PHF20L1: variants seen among roughly 807,000 people sequenced by gnomAD.
PHF20L1 encodes PHD finger protein 20-like protein 1.
A neutral mutation model predicts 125.5 loss-of-function variants in PHF20L1; 44 were observed. The observed-to-expected ratio is 0.35, with a 90% confidence interval of 0.28 to 0.45. The LOEUF (loss-of-function observed/expected upper bound fraction) is 0.45, where lower values mean the gene tolerates loss of function less well. Among genes scored for constraint, PHF20L1 ranks in the 20% least tolerant of loss-of-function variants. PHF20L1 has a pLI of 1.00. For missense variants in PHF20L1, 1,012 were observed against 1,217.2 expected (o/e 0.83, Z 2.51); for synonymous variants, 380 against 403.1 (o/e 0.94, Z 0.69).
At position 132,775,616 on chromosome 8, in the gene PHF20L1, C is replaced by G. The variant is rs553632603; in HGVS notation, c.-67C>G. The G allele has an allele frequency of 2.9e-6, 1 of 343,650 alleles. No homozygotes were observed. The highest frequency in any genetic ancestry group is 5.3e-6 in the Non-Finnish European group (1 of 190,456). The allele number at this position is 343,650 out of a possible 1,614,324, so 21.3% of individuals were successfully genotyped here. On this transcript the variant is annotated 5_prime_UTR_variant, in exon 1 of 21. Transcript: ENST00000395386. ...TGCCCCAGCTCGGCCCCGGACGGCC[C>G]GGCTGCTGTGCAGAGAGGAGGCCGA...
At chr8:132,827,172 C>T (rs1836277407) in intron 14 of PHF20L1, among the ~76,000 whole-genome samples, 2 of 151,882 alleles carry the variant, frequency 1.3e-5, no homozygotes, top group East Asian at 1.9e-4. Context: ...CCCCCATCAC[C>T]TCTTCATATG....
At chr8:132,830,305 G>T (rs1173392004) in intron 14 of PHF20L1, among the ~76,000 whole-genome samples, 1 of 151,870 alleles carries the variant, frequency 6.6e-6, no homozygotes, top group Non-Finnish European at 1.5e-5. Flanking sequence ...ATTACATTGG[G>T]CCCACCCATA....
chr8:132,836,509 G>T lies in PHF20L1; in HGVS notation c.1910-31G>T, dbSNP rs200225986. 9 of 1,391,432 alleles carry T rather than the reference G, an allele frequency of 6.5e-6. No individual in the cohort carries two copies. The East Asian group carries it at 1.8e-4, about 29-fold the overall frequency. 86.2% of individuals were successfully genotyped at this position (1,391,432 alleles called of 1,614,324 possible). ...AAAATAACATGAAAATAGAAAAGTT[G>T]TTCTAAGTATACTTTTTGTATATAT... On this transcript the variant is annotated intron_variant, in intron 15 of 20. Transcript: ENST00000395386.
chr8:132,785,677 G>T (rs1012017025), intron 2 of PHF20L1, among the ~76,000 whole-genome samples: 11 of 152,114 alleles, frequency 7.2e-5, no homozygotes, highest in South Asian at 4.1e-4. Context: ...ATTAGAAATT[G>T]GTATGCAAGT....
chr8:132,812,159 C>A, intron 9 of PHF20L1: 1 of 979,240 alleles, frequency 1.0e-6, no homozygotes, highest in Non-Finnish European at 1.2e-6. Context: ...CCGTTATTGT[C>A]AATATATCAA....
chr8:132,812,822 T>C, intron 9 of PHF20L1: 1 of 981,678 alleles, frequency 1.0e-6, no homozygotes, highest in Non-Finnish European at 1.2e-6. Flanking sequence ...TAAAGTAATG[T>C]CACTCATGAC....
intron 2 of PHF20L1, among the ~76,000 whole-genome samples, chr8:132,784,212 CT>C (rs955015269): frequency 6.6e-6 from 1 of 151,956 alleles, no homozygotes. Flanking sequence ...AGTGTTCTTC[CT>C]TTTTTTATGT....
At chr8:132,778,664 G>C (rs1466009042) in intron 2 of PHF20L1, among the ~76,000 whole-genome samples, 1 of 152,208 alleles carries the variant, frequency 6.6e-6, no homozygotes, top group East Asian at 1.9e-4. Flanking sequence ...CCCTGGGCCA[G>C]AGTAGGAATG....
intron 15 of PHF20L1, among the ~76,000 whole-genome samples, chr8:132,833,394 G>A (rs1193877376): frequency 6.6e-6 from 1 of 152,014 alleles, no homozygotes; most frequent in Non-Finnish European, 1.5e-5. Flanking sequence ...TATGGGAGGG[G>A]ATTAAAAAAG....
chr8:132,803,639 G>A, intron 6 of PHF20L1, 180 bp from the exon 7 acceptor site: 1 of 552,630 alleles, frequency 1.8e-6, no homozygotes, highest in South Asian at 2.5e-5. Flanking sequence ...TAACTCATTT[G>A]ATTATTAAAT....
intron 14 of PHF20L1, among the ~76,000 whole-genome samples, chr8:132,831,868 T>C (rs1196833006): frequency 6.6e-6 from 1 of 152,086 alleles, no homozygotes; most frequent in African/African-American, 2.4e-5. Context: ...CCCCAGTGTG[T>C]GTTGTTCTTC....
rs1422645827 is a variant in PHF20L1, at chr8:132,848,748, T to C, written c.*2825T>C. The C allele has an allele frequency of 1.2e-5, 1 of 85,108 alleles. No homozygotes were observed. Among genetic ancestry groups the C allele is most frequent in the Non-Finnish European group, 3.2e-5 (1 of 31,032 alleles). 5.3% of individuals were successfully genotyped at this position (85,108 alleles called of 1,614,324 possible). Reference sequence around the variant, plus strand: ...TCTTATTTCCTCTCAGATGTTCATATTTCACATGTTCAAAATGAAGCGTAC... The same window carrying C: ...TCTTATTTCCTCTCAGATGTTCATACTTCACATGTTCAAAATGAAGCGTAC... On this transcript the variant is annotated 3_prime_UTR_variant, in exon 21 of 21. Coordinates refer to ENST00000395386, the MANE Select transcript of PHF20L1 (RefSeq NM_016018.5).
At chr8:132,836,887 G>C (rs545230843) in intron 16 of PHF20L1, among the ~76,000 whole-genome samples, 166 bp downstream of exon 16, 5 of 152,174 alleles carry the variant, frequency 3.3e-5, no homozygotes, top group African/African-American at 1.2e-4. Context: ...TCCTCATTAA[G>C]TAAAGTAGAC....
In PHF20L1 at chr8:132,844,294, G is replaced by C. The variant is rs771578209; in HGVS notation, c.2887G>C (p.Asp963His). Residue 963 changes from aspartate (D) to histidine (H), a missense_variant, in exon 20 of 21, where the codon GAC (aspartate) becomes CAC (histidine). This residue lies in a region of PHF20L1 where 277 missense variants were observed against 283.6 expected (regional missense o/e 0.98). Transcript: ENST00000395386. ...GCAGAACGAAGTTACCAGCAGGATG[G>C]ACCTAATAGAAAAAGAAGTCGATGG... The part of the protein sequence containing the change: ...NVQNEVTSRM[D>H]LIEKEVDVLE... The C allele has an allele frequency of 1.2e-6, 2 of 1,608,470 alleles. No individual in the cohort carries two copies. Among genetic ancestry groups the C allele is most frequent in the Admixed American group, 3.4e-5 (2 of 58,806 alleles).
At chr8:132,845,135 G>A (rs1485212011) in intron 20 of PHF20L1, among the ~76,000 whole-genome samples, 1 of 151,998 alleles carries the variant, frequency 6.6e-6, no homozygotes, top group African/African-American at 2.4e-5. Context: ...TTGAAGAAAA[G>A]AAAATGCATC....
At chr8:132,798,716 T>A (rs988520561) in intron 4 of PHF20L1, 56 bp from the exon 5 acceptor site, 7 of 1,088,912 alleles carry the variant, frequency 6.4e-6, no homozygotes, top group African/African-American at 3.1e-5. Context: ...AGATTTCAAG[T>A]GTTGCTGTAA....
Position 132,816,989 on chromosome 8 carries a change from G to A in PHF20L1, c.1285G>A (p.Glu429Lys). Residue 429 changes from glutamate to lysine, a missense_variant, in exon 11 of 21, where the codon GAA becomes AAA. Coordinates refer to ENST00000395386, the MANE Select transcript of PHF20L1 (RefSeq NM_016018.5). ...CTTACCCATGCCTGATGATTCTGTA[G>A]AAAAGGTTTCTTCTCCCTCTCCAGC... ...ATLPMPDDSV[E>K]KVSSPSPATD... 1 of 1,610,132 alleles carries A rather than the reference G, an allele frequency of 6.2e-7. No individual in the cohort carries two copies. The highest frequency in any genetic ancestry group is 8.5e-7 in the Non-Finnish European group (1 of 1,177,994).
At chr8:132,831,210 G>A (rs1836739276) in intron 14 of PHF20L1, among the ~76,000 whole-genome samples, 1 of 151,818 alleles carries the variant, frequency 6.6e-6, no homozygotes, top group African/African-American at 2.4e-5. Flanking sequence ...ATTGCATTAG[G>A]GTAAAACTTT....
At chr8:132,823,901 A>G (rs1835869273) in intron 12 of PHF20L1, 103 bp from the exon 13 acceptor site, 1 of 629,942 alleles carries the variant, frequency 1.6e-6, no homozygotes, top group Non-Finnish European at 2.7e-6. Context: ...TTAGGAGAAA[A>G]AGAGTCTTAC....
Sources: allele counts gnomAD v4.1 joint callset (sites outside exome capture counted in the v4.1 genomes callset), GRCh38; gene constraint gnomAD v4.1.1; regional missense constraint gnomAD v4.1.1; transcripts MANE v1.5; gene names NCBI Gene and HGNC (gene_info 2026-07-23, HGNC 2026-07-21).